Variants in HSF5 observed in about 807,000 individuals in gnomAD.
HSF5 encodes heat shock transcription factor 5.
In HSF5, 5 loss-of-function variants were observed where a neutral mutation model predicts 50.8. The ratio of observed to expected loss-of-function variants is 0.10; its 90% CI spans 0.05 to 0.21. The LOEUF (loss-of-function observed/expected upper bound fraction) is 0.21, where lower values mean the gene tolerates loss of function less well. HSF5 is among the 10% of genes least tolerant of loss of function. The pLI is 1.00. For synonymous variants in HSF5, 307 were observed against 307.4 expected (o/e 1.00, Z 0.02); for missense variants, 564 against 762.6 (o/e 0.74, Z 3.07).
intron 5 of HSF5, among the ~76,000 whole-genome samples, chr17:58,427,953 G>A (rs1974316127): frequency 6.6e-6 from 1 of 152,194 alleles, no homozygotes; most frequent in South Asian, 2.1e-4. Context: ...TTCTGCTATT[G>A]TAGCACGACA....
rs534014855 is a variant in HSF5, at chr17:58,480,739, TA to T, written c.551-473del. On this transcript the variant is annotated intron_variant, in intron 1 of 5. Coordinates refer to ENST00000323777, the MANE Select transcript of HSF5 (RefSeq NM_001080439.3). Reference sequence around the variant, plus strand: ...AATGGGTGTGGAACATATAACAAGATAAAAAAAAAAGTAACGCTCTTTGCTA... The same window carrying T: ...AATGGGTGTGGAACATATAACAAGATAAAAAAAAAGTAACGCTCTTTGCTA... Among the ~76,000 whole-genome samples the T allele has an allele frequency of 1.4e-4, 21 of 145,732 alleles. No homozygotes were observed. The South Asian group carries it at 2.2e-3, about 15-fold the overall frequency.
chr17:58,461,394 TA>T (rs1430618808), intron 4 of HSF5, among the ~76,000 whole-genome samples: 1 of 150,466 alleles, frequency 6.6e-6, no homozygotes, highest in African/African-American at 2.4e-5. Context: ...AAAATAGAGC[TA>T]AAAAAGGCTG....
chr17:58,469,134 T>C (rs1046768455), intron 2 of HSF5, among the ~76,000 whole-genome samples: 2 of 150,068 alleles, frequency 1.3e-5, no homozygotes, highest in Non-Finnish European at 3.0e-5. Context: ...CCTAGAGTTA[T>C]AGCAGCTAAG....
chr17:58,424,942 A>C (rs1053940282), intron 5 of HSF5, among the ~76,000 whole-genome samples: 2 of 152,208 alleles, frequency 1.3e-5, no homozygotes, highest in African/African-American at 2.4e-5. Context: ...AAATTCAGAG[A>C]CAAAAAATAG....
chr17:58,466,734 T>TC, intron 3 of HSF5, 151 bp downstream of exon 3: 1 of 310,980 alleles, frequency 3.2e-6, no homozygotes, highest in Non-Finnish European at 6.1e-6. Flanking sequence ...CAATTCTCTC[T>TC]TTTTTTTTTT....
At chr17:58,481,751 G>A (rs1975101008) in intron 1 of HSF5, among the ~76,000 whole-genome samples, 1 of 152,220 alleles carries the variant, frequency 6.6e-6, no homozygotes, top group South Asian at 2.1e-4. Context: ...TGTAATCCCA[G>A]CACTTTGGGA....
intron 2 of HSF5, among the ~76,000 whole-genome samples, chr17:58,471,278 C>T (rs1438146765): frequency 6.6e-6 from 1 of 152,044 alleles, no homozygotes; most frequent in Non-Finnish European, 1.5e-5. Context: ...TTAGTTTCTC[C>T]TGGCAGAGGA....
intron 5 of HSF5, among the ~76,000 whole-genome samples, chr17:58,424,461 A>C (rs1395630695): frequency 6.6e-6 from 1 of 151,956 alleles, no homozygotes; most frequent in East Asian, 1.9e-4. Flanking sequence ...AAATACAAAA[A>C]ATTAGTTGGG....
intron 5 of HSF5, among the ~76,000 whole-genome samples, chr17:58,454,464 A>C (rs538677779): frequency 6.6e-6 from 1 of 152,306 alleles, no homozygotes; most frequent in Admixed American, 6.5e-5. Flanking sequence ...TATTCAACAC[A>C]GTACTGGAAA....
At chr17:58,429,650 C>T (rs1020010640) in intron 5 of HSF5, among the ~76,000 whole-genome samples, 1 of 151,910 alleles carries the variant, frequency 6.6e-6, no homozygotes, top group Non-Finnish European at 1.5e-5. Flanking sequence ...AGTTTGAGAC[C>T]AGCCTGGCCA....
At chr17:58,429,120 C>T (rs1381891729) in intron 5 of HSF5, among the ~76,000 whole-genome samples, 2 of 152,122 alleles carry the variant, frequency 1.3e-5, no homozygotes, top group Non-Finnish European at 2.9e-5. Flanking sequence ...AAACATTATG[C>T]TTAGTAAAGT....
intron 1 of HSF5, among the ~76,000 whole-genome samples, chr17:58,483,405 G>A (rs1016013643): frequency 3.9e-5 from 6 of 152,080 alleles, no homozygotes; most frequent in Admixed American, 3.3e-4. Flanking sequence ...TTATTCTTCT[G>A]TTAAGGGTTA....
chr17:58,466,515 G>A (rs1053566306), intron 3 of HSF5, among the ~76,000 whole-genome samples: 2 of 152,134 alleles, frequency 1.3e-5, no homozygotes, highest in African/African-American at 4.8e-5. Context: ...CTCAAAATGT[G>A]TCTACGTTAA....
chr17:58,431,903 G>A (rs2143732284), intron 5 of HSF5, among the ~76,000 whole-genome samples: 1 of 152,306 alleles, frequency 6.6e-6, no homozygotes, highest in East Asian at 1.9e-4. Context: ...GACACAGAAA[G>A]TAGAATGGTG....
intron 5 of HSF5, among the ~76,000 whole-genome samples, chr17:58,438,899 T>C (rs2143743177): frequency 6.6e-6 from 1 of 152,110 alleles, no homozygotes; most frequent in Admixed American, 6.6e-5. Context: ...GGAGGATTGC[T>C]TGAGACCAGG....
intron 5 of HSF5, among the ~76,000 whole-genome samples, chr17:58,452,706 G>A (rs1484049314): frequency 6.6e-6 from 1 of 152,182 alleles, no homozygotes; most frequent in Non-Finnish European, 1.5e-5. Flanking sequence ...GCGCACCTCT[G>A]CCCAGCGGCC....
chr17:58,437,438 T>G (rs1390661732), intron 5 of HSF5, among the ~76,000 whole-genome samples: 1 of 152,200 alleles, frequency 6.6e-6, no homozygotes, highest in Non-Finnish European at 1.5e-5. Context: ...TTTAGATTTT[T>G]TAAAATTTGA....
chr17:58,487,622 C>T, intron 1 of HSF5, 103 bp downstream of exon 1: 4 of 1,301,072 alleles, frequency 3.1e-6, no homozygotes, highest in East Asian at 3.1e-5. Flanking sequence ...GCCTTTCCGA[C>T]GCCCATAGCG....
At chr17:58,426,699 T>C (rs749772674) in intron 5 of HSF5, among the ~76,000 whole-genome samples, 8 of 152,244 alleles carry the variant, frequency 5.3e-5, no homozygotes, top group Non-Finnish European at 1.2e-4. Context: ...CAGAGTGTAG[T>C]TCCCACAATG....
Sources: gnomAD v4.1 joint callset for allele counts (sites outside exome capture counted in the v4.1 genomes callset) on GRCh38, gnomAD v4.1.1 for gene constraint, MANE v1.5 for transcripts, NCBI Gene and HGNC (gene_info 2026-07-23, HGNC 2026-07-21) for gene names.